Variants in LYZL4 observed in about 807,000 individuals in gnomAD.
LYZL4 encodes the protein lysozyme like 4.
In LYZL4, 13 loss-of-function variants were observed where a neutral mutation model predicts 17.6. That is an observed-to-expected ratio of 0.74 (90% CI 0.48 to 1.18). LYZL4 has a LOEUF of 1.18. LYZL4 is among the 50% of genes most tolerant of loss of function. The pLI is 0.00. For synonymous variants in LYZL4, 64 were observed against 67.7 expected, an observed-to-expected ratio of 0.95 and a Z score of 0.27; for missense variants, 174 against 188.2, an observed-to-expected ratio of 0.92 and a Z score of 0.44.
At chr3:42,408,421 G>A (rs773390193) in intron 1 of LYZL4, among the ~76,000 whole-genome samples, 1 of 152,174 alleles carries the variant, frequency 6.6e-6, no homozygotes, top group African/African-American at 2.4e-5. Flanking sequence ...AATGCACAGG[G>A]CCCTACCATG....
At chr3:42,397,610 T>C (rs1003579367) in intron 4 of LYZL4, among the ~76,000 whole-genome samples, 13 of 152,174 alleles carry the variant, frequency 8.5e-5, no homozygotes, top group Non-Finnish European at 4.4e-5. Context: ...GAGGCTGAAC[T>C]GTGAACTGTG....
the LYZL4 span, among the ~76,000 whole-genome samples, chr3:42,370,899 G>A: frequency 5.9e-5 from 9 of 152,244 alleles, no homozygotes; most frequent in South Asian, 2.1e-4. Flanking sequence ...TTCCTCATAC[G>A]ATCTGAATGG....
chr3:42,386,410 C>T, the LYZL4 span, among the ~76,000 whole-genome samples: 1,944 of 124,128 alleles, frequency 0.016, 142 homozygotes, highest in African/African-American at 0.049. Context: ...CCCCCCCCCC[C>T]CCGCCTCCCT....
At chr3:42,391,079 C>T in the LYZL4 span, among the ~76,000 whole-genome samples, 1 of 152,184 alleles carries the variant, frequency 6.6e-6, no homozygotes, top group African/African-American at 2.4e-5. Context: ...GGAGACAATA[C>T]ATGTCCAGTG....
At chr3:42,399,597 G>A (rs1454966051) in intron 4 of LYZL4, among the ~76,000 whole-genome samples, 2 of 152,112 alleles carry the variant, frequency 1.3e-5, no homozygotes, top group Admixed American at 1.3e-4. Context: ...TGTGGACACT[G>A]GGATTCCATG....
the LYZL4 span, among the ~76,000 whole-genome samples, chr3:42,364,341 C>CTTTTTTTTTTT: frequency 3.3e-5 from 4 of 119,862 alleles, no homozygotes; most frequent in Admixed American, 9.5e-5. Context: ...TTTTTCTTTT[C>CTTTTTTTTTTT]TTTTTTTTTT....
intron 3 of LYZL4, among the ~76,000 whole-genome samples, chr3:42,406,505 G>A (rs138915875): frequency 5.4e-4 from 82 of 151,296 alleles, no homozygotes; most frequent in African/African-American, 2.0e-3. Context: ...GGGAGAGGTG[G>A]CCGAGCGTGG....
chr3:42,383,594 A>G, the LYZL4 span, among the ~76,000 whole-genome samples: 2 of 152,148 alleles, frequency 1.3e-5, no homozygotes, highest in Non-Finnish European at 2.9e-5. Context: ...TGTAAATAAA[A>G]TAAATAGGTA....
chr3:42,363,015 A>C, the LYZL4 span, among the ~76,000 whole-genome samples: 1 of 152,222 alleles, frequency 6.6e-6, no homozygotes, highest in African/African-American at 2.4e-5. Context: ...CTTTTGGACA[A>C]AATTTGAATC....
chr3:42,381,737 G>C, the LYZL4 span, among the ~76,000 whole-genome samples: 2 of 152,174 alleles, frequency 1.3e-5, no homozygotes, highest in Non-Finnish European at 2.9e-5. Context: ...TCACTGGGTG[G>C]AGATCACTGT....
chr3:42,396,214 T>C (rs1158265903), downstream of LYZL4, among the ~76,000 whole-genome samples: 1 of 152,212 alleles, frequency 6.6e-6, no homozygotes, highest in Non-Finnish European at 1.5e-5. Flanking sequence ...TGACAGGCTT[T>C]CTCCATACTA....
chr3:42,384,002 T>C, the LYZL4 span, among the ~76,000 whole-genome samples: 1 of 152,174 alleles, frequency 6.6e-6, no homozygotes, highest in Admixed American at 6.5e-5. Flanking sequence ...GGTTTCCAGA[T>C]TGAAAGCCCC....
the LYZL4 span, among the ~76,000 whole-genome samples, chr3:42,385,283 G>A: frequency 1.3e-5 from 2 of 151,994 alleles, no homozygotes; most frequent in Admixed American, 6.6e-5. Context: ...CCATACAAAC[G>A]GTGGTCCCAT....
At chr3:42,379,630 G>C in the LYZL4 span, among the ~76,000 whole-genome samples, 1 of 152,162 alleles carries the variant, frequency 6.6e-6, no homozygotes, top group Non-Finnish European at 1.5e-5. Flanking sequence ...TGGGAGTTAT[G>C]TCTCTCCTCT....
intron 4 of LYZL4, among the ~76,000 whole-genome samples, chr3:42,402,005 A>G (rs1698662224): frequency 6.6e-6 from 1 of 152,152 alleles, no homozygotes; most frequent in Non-Finnish European, 1.5e-5. Context: ...CTTTTAGGAA[A>G]AAAAGGAGAA....
At chr3:42,376,011 C>T in the LYZL4 span, among the ~76,000 whole-genome samples, 66 of 152,276 alleles carry the variant, frequency 4.3e-4, no homozygotes, top group Admixed American at 2.2e-3. Flanking sequence ...AGAATGGCAC[C>T]GCCTGCCACC....
the LYZL4 span, among the ~76,000 whole-genome samples, chr3:42,377,206 G>T: frequency 6.6e-6 from 1 of 152,164 alleles, no homozygotes; most frequent in Non-Finnish European, 1.5e-5. Flanking sequence ...ATAGGGAATA[G>T]GGTGTGTGTT....
At chr3:42,399,199 G>C (rs1698610248) in intron 4 of LYZL4, among the ~76,000 whole-genome samples, 1 of 152,206 alleles carries the variant, frequency 6.6e-6, no homozygotes, top group South Asian at 2.1e-4. Flanking sequence ...AGGCTGGTGA[G>C]CTGAGGAGAA....
chr3:42,372,876 A>C, the LYZL4 span, among the ~76,000 whole-genome samples: 1 of 152,148 alleles, frequency 6.6e-6, no homozygotes, highest in African/African-American at 2.4e-5. Context: ...CATCAGGAGA[A>C]ACCAGGGCTG....
Sources: allele counts gnomAD v4.1 joint callset (sites outside exome capture counted in the v4.1 genomes callset), GRCh38; gene constraint gnomAD v4.1.1; transcripts MANE v1.5; gene names NCBI Gene and HGNC (gene_info 2026-07-23, HGNC 2026-07-21).